TIMD4: variants seen among roughly 807,000 people sequenced by gnomAD.
The protein encoded by TIMD4 is T cell immunoglobulin and mucin domain containing 4.
TIMD4 carries 31 observed loss-of-function variants against 41.2 expected under a neutral mutation model. The observed-to-expected ratio is 0.75, with a 90% CI of 0.57 to 1.01. The LOEUF (loss-of-function observed/expected upper bound fraction) is 1.01, where lower values mean the gene tolerates loss of function less well. Among genes scored for constraint, TIMD4 ranks in the 50% least tolerant of loss-of-function variants. The pLI, the probability that TIMD4 is intolerant of heterozygous loss-of-function variation, is 0.00. For missense variants in TIMD4, 479 were observed against 472.5 expected (o/e 1.01, Z -0.13); for synonymous variants, 204 against 177.1 (o/e 1.15, Z -1.21).
intron 5 of TIMD4, among the ~76,000 whole-genome samples, chr5:156,943,940 G>A (rs946033709): frequency 6.6e-6 from 1 of 151,128 alleles, no homozygotes; most frequent in Non-Finnish European, 1.5e-5. Context: ...GGTGCCTGTA[G>A]TCCCAGTTAC....
intron 5 of TIMD4, among the ~76,000 whole-genome samples, chr5:156,939,520 T>C (rs902285253): frequency 2.0e-5 from 3 of 152,212 alleles, no homozygotes; most frequent in African/African-American, 7.2e-5. Flanking sequence ...CAGATATAAG[T>C]GCCAATTAGC....
intron 5 of TIMD4, among the ~76,000 whole-genome samples, chr5:156,930,550 T>C (rs1184754201): frequency 6.6e-6 from 1 of 152,224 alleles, no homozygotes; most frequent in African/African-American, 2.4e-5. Context: ...AAGGATAGTT[T>C]AGGACAGTGG....
At chr5:156,939,670 C>A (rs970272323) in intron 5 of TIMD4, among the ~76,000 whole-genome samples, 11 of 152,182 alleles carry the variant, frequency 7.2e-5, no homozygotes, top group African/African-American at 2.7e-4. Context: ...ACCAGTTAAC[C>A]CACACATTGA....
chr5:156,951,388 G>T, intron 3 of TIMD4, 124 bp downstream of exon 3: 2 of 1,231,030 alleles, frequency 1.6e-6, no homozygotes, highest in Non-Finnish European at 2.3e-6. Context: ...GATAGGCCTA[G>T]CAGACTAATA....
intron 5 of TIMD4, among the ~76,000 whole-genome samples, chr5:156,939,774 C>T (rs909249110): frequency 2.5e-4 from 38 of 152,160 alleles, no homozygotes; most frequent in Admixed American, 2.2e-3. Context: ...GCTGTTACTC[C>T]GTCCCCTCTC....
chr5:156,952,733 T>C (rs1759885871), intron 2 of TIMD4, among the ~76,000 whole-genome samples: 1 of 152,246 alleles, frequency 6.6e-6, no homozygotes, highest in Non-Finnish European at 1.5e-5. Flanking sequence ...ATTTCATTGC[T>C]ATTGTTTAAA....
chr5:156,933,462 C>T (rs1412301221), intron 5 of TIMD4, among the ~76,000 whole-genome samples: 4 of 150,886 alleles, frequency 2.7e-5, no homozygotes, highest in East Asian at 1.9e-4. Flanking sequence ...CCCCAACCCC[C>T]CCCCAAAAAA....
chr5:156,920,101 T>C (rs1285684796), intron 8 of TIMD4, among the ~76,000 whole-genome samples: 6 of 152,230 alleles, frequency 3.9e-5, no homozygotes, highest in Non-Finnish European at 2.9e-5. Flanking sequence ...ACATGCTTTT[T>C]TCATTTTCCA....
chr5:156,948,601 CA>C, intron 4 of TIMD4, 102 bp from the exon 5 acceptor site: 1 of 507,566 alleles, frequency 2.0e-6, no homozygotes, highest in Non-Finnish European at 3.1e-6. Flanking sequence ...TCATTGAAAA[CA>C]AAACAAAACA....
intron 5 of TIMD4, among the ~76,000 whole-genome samples, chr5:156,931,529 T>G (rs1406341198): frequency 2.6e-5 from 4 of 152,224 alleles, no homozygotes; most frequent in Non-Finnish European, 4.4e-5. Flanking sequence ...GGTCCATGGA[T>G]TCACCAAACC....
At position 156,957,613 on chromosome 5, in the gene TIMD4, C is replaced by T. The variant is rs148339290; in HGVS notation, c.59-2857G>A. On this transcript the variant is annotated intron_variant, in intron 1 of 8. Coordinates refer to ENST00000274532, the MANE Select transcript of TIMD4 (RefSeq NM_138379.3). ...AGAAAAATAAGAAGTTTATTGTCAT[C>T]ACCCTCAGCTATGTTAACAACATAG... Among the ~76,000 whole-genome samples, 774 of 152,056 alleles carry T rather than the reference C, an allele frequency of 5.1e-3. 12 individuals are homozygous for T. Among genetic ancestry groups the T allele is most frequent in the African/African-American group, 0.018 (744 of 41,502 alleles).
At chr5:156,938,063 C>G (rs1285917153) in intron 5 of TIMD4, among the ~76,000 whole-genome samples, 1 of 152,112 alleles carries the variant, frequency 6.6e-6, no homozygotes, top group Non-Finnish European at 1.5e-5. Context: ...TTTTCCATGC[C>G]CTTGATCAGC....
chr5:156,960,091 C>T (rs969860660), intron 1 of TIMD4, among the ~76,000 whole-genome samples: 4 of 27,618 alleles, frequency 1.4e-4, no homozygotes, highest in African/African-American at 9.7e-4. Flanking sequence ...AGAAAAGGCA[C>T]CTATGAAAAA....
At chr5:156,960,149 A>G (rs1251234486) in intron 1 of TIMD4, among the ~76,000 whole-genome samples, 1 of 152,146 alleles carries the variant, frequency 6.6e-6, no homozygotes, top group East Asian at 1.9e-4. Context: ...TGCCTCCTTC[A>G]AGCAGGATTA....
rs1009307722 is a variant in TIMD4 at position 156,946,737 on chromosome 5, G to A, written c.844+1679C>T. On this transcript the variant is annotated intron_variant, in intron 5 of 8. Coordinates refer to ENST00000274532, the MANE Select transcript of TIMD4 (RefSeq NM_138379.3). ...CCTGACCTCGTGATCCGCCTGCCTC[G>A]GCCTCCCAAGGTGCTGTAATTATAG... is the stretch of plus-strand genomic sequence containing the variant. 4.6e-5 allele frequency among the ~76,000 whole-genome samples: 7 copies of A among 151,038 alleles called. No homozygotes were observed. In the East Asian group the frequency reaches 5.9e-4, roughly 13 times the overall value.
chr5:156,939,875 T>A (rs1340220220), intron 5 of TIMD4, among the ~76,000 whole-genome samples: 1 of 152,184 alleles, frequency 6.6e-6, no homozygotes, highest in South Asian at 2.1e-4. Context: ...ATCTAATACA[T>A]CTTCCACACC....
At chr5:156,926,566 A>G (rs1156252249) in intron 5 of TIMD4, among the ~76,000 whole-genome samples, 2 of 152,238 alleles carry the variant, frequency 1.3e-5, no homozygotes, top group African/African-American at 2.4e-5. Flanking sequence ...TTGGGCCAGT[A>G]GGCAATTGGC....
intron 7 of TIMD4, among the ~76,000 whole-genome samples, chr5:156,920,858 A>G (rs1181637093): frequency 6.6e-6 from 1 of 152,232 alleles, no homozygotes; most frequent in Non-Finnish European, 1.5e-5. Flanking sequence ...CTTTGTATGA[A>G]GGCTAACAGC....
At position 156,948,448 on chromosome 5, in the gene TIMD4, GT is replaced by G; in HGVS notation, c.811del (p.Thr271ArgfsTer36). 2 of 1,551,994 alleles carry G rather than the reference GT, an allele frequency of 1.3e-6. No homozygotes were observed. Among genetic ancestry groups the G allele is most frequent in the Non-Finnish European group, 1.7e-6 (2 of 1,148,312 alleles). ...PSTSHVSMWK[T>X]SDSVSSPQPG... ...CTGAGGAGAAGACACAGAATCACTCGTTTTCCACATTGACACGTGGGATGTT... is the reference window on the plus strand; with the variant it reads ...CTGAGGAGAAGACACAGAATCACTCGTTTCCACATTGACACGTGGGATGTT... On this transcript the variant is annotated frameshift_variant, in exon 5 of 9. Transcript: ENST00000274532. LOFTEE classifies it high-confidence loss of function.
Sources: gnomAD v4.1 joint callset for allele counts (sites outside exome capture counted in the v4.1 genomes callset) on GRCh38, gnomAD v4.1.1 for gene constraint, MANE v1.5 for transcripts, NCBI Gene and HGNC (gene_info 2026-07-23, HGNC 2026-07-21) for gene names.